TSPAN32: variants seen among roughly 807,000 people sequenced by gnomAD.
The protein encoded by TSPAN32 is tetraspanin 32.
In TSPAN32, 47 loss-of-function variants were observed where a neutral mutation model predicts 42.7. That is an observed-to-expected ratio of 1.10 (90% CI 0.87 to 1.40). The LOEUF (loss-of-function observed/expected upper bound fraction) is 1.40, where lower values mean the gene tolerates loss of function less well. TSPAN32 is among the 40% of genes most tolerant of loss of function. The pLI is 0.00. For missense variants in TSPAN32, 469 were observed against 424.1 expected (o/e 1.11, Z -0.93); for synonymous variants, 175 against 175.9 (o/e 0.99, Z 0.04).
In TSPAN32 at chr11:2,317,937, G is replaced by A; in HGVS notation, c.*13G>A. The A allele has an allele frequency of 2.1e-6, 2 of 945,138 alleles. No individual in the cohort carries two copies. The highest frequency in any genetic ancestry group is 2.4e-5 in the East Asian group (1 of 41,912). The allele number at this position is 945,138 out of a possible 1,614,324, so 58.5% of individuals were successfully genotyped here. On this transcript the variant is annotated 3_prime_UTR_variant, in exon 10 of 10. Transcript: ENST00000182290. This position sits in a 1 kb window ranked among gnomAD's most constrained non-coding sequence, Gnocchi z 6.2. ...TCTCTCAGACTGACGTCAGGCCTTG[G>A]TGGGCTGCACTCTCACCTGGAGGCT...
At position 2,317,146 on chromosome 11, in the gene TSPAN32, C is replaced by G. The variant is rs1406931684; in HGVS notation, c.720-198C>G. Reference sequence around the variant, plus strand: ...CCCTCATCCCTGGGTCCTCTGCATTCTACAATAGCCTCACAGTCCCGTCTA... The same window carrying G: ...CCCTCATCCCTGGGTCCTCTGCATTGTACAATAGCCTCACAGTCCCGTCTA... On this transcript the variant is annotated intron_variant, in intron 8 of 9. Transcript: ENST00000182290. This position sits in a 1 kb window ranked among gnomAD's most constrained non-coding sequence, Gnocchi z 6.2. Among the ~76,000 whole-genome samples, 1 of 152,158 alleles carries G rather than the reference C, an allele frequency of 6.6e-6. No homozygotes were observed. Among genetic ancestry groups the G allele is most frequent in the African/African-American group, 2.4e-5 (1 of 41,416 alleles).
At chr11:2,312,676 C>T (rs898504184) in intron 4 of TSPAN32, among the ~76,000 whole-genome samples, 38 of 152,208 alleles carry the variant, frequency 2.5e-4, no homozygotes, top group African/African-American at 3.4e-4. Flanking sequence ...CAATGAGGAC[C>T]GCCGTAAGCC....
Position 2,313,562 on chromosome 11 carries a change from G to T in TSPAN32, c.355-92G>T. The T allele has an allele frequency of 1.0e-6, 1 of 990,476 alleles. No individual in the cohort carries two copies. Among genetic ancestry groups the T allele is most frequent in the Non-Finnish European group, 1.5e-6 (1 of 658,796 alleles). 61.4% of individuals were successfully genotyped at this position (990,476 alleles called of 1,614,324 possible). A position where few individuals can be genotyped will look rare whatever the true frequency, so the allele number is the denominator to read the frequency against. The stretch of plus-strand genomic sequence containing the variant: ...GTGCTGGGACGTCACTCAGCACTAA[G>T]GGCCCACTAGCGTTTGGGATGTCGT... On this transcript the variant is annotated intron_variant, in intron 4 of 9. Transcript: ENST00000182290. The surrounding 1 kb of genome is among the most constrained non-coding windows in gnomAD (Gnocchi z 9.1).
intron 6 of TSPAN32, 103 bp downstream of exon 6, chr11:2,314,674 G>C: frequency 1.1e-6 from 1 of 915,050 alleles, no homozygotes; most frequent in South Asian, 1.5e-5. Context: ...CCACCCCTTG[G>C]CCTCCCCAGA....
At chr11:2,307,468 G>A (rs1034562470) in intron 3 of TSPAN32, among the ~76,000 whole-genome samples, 28 of 152,096 alleles carry the variant, frequency 1.8e-4, no homozygotes, top group African/African-American at 5.3e-4. Context: ...CTGCCCGGTC[G>A]GTGGCTAGAC....
intron 1 of TSPAN32, 113 bp downstream of exon 1, chr11:2,302,328 T>C: frequency 8.5e-7 from 1 of 1,170,034 alleles, no homozygotes; most frequent in Non-Finnish European, 1.1e-6. Context: ...CCAGCCCTAC[T>C]GTCCCTGTCC....
At chr11:2,314,659 C>A in intron 6 of TSPAN32, 88 bp downstream of exon 6, 1 of 1,066,676 alleles carries the variant, frequency 9.4e-7, no homozygotes, top group Non-Finnish European at 1.4e-6. Flanking sequence ...GGCCATCCTC[C>A]CACCCCACCC....
intron 5 of TSPAN32, among the ~76,000 whole-genome samples, chr11:2,314,228 C>T (rs1006870468): frequency 2.6e-5 from 4 of 151,860 alleles, no homozygotes; most frequent in Admixed American, 6.6e-5. Context: ...GTGAACAGGG[C>T]GGGGAAGCTG....
chr11:2,315,453 T>G, intron 6 of TSPAN32: 1 of 1,131,104 alleles, frequency 8.8e-7, no homozygotes, highest in Non-Finnish European at 1.1e-6. Context: ...GGCCCCCGAC[T>G]GAAAAGCAGG....
intron 1 of TSPAN32, 142 bp downstream of exon 1, chr11:2,302,357 T>C (rs941345750): frequency 3.1e-6 from 3 of 980,610 alleles, no homozygotes; most frequent in South Asian, 6.0e-5. Context: ...CAGACATGTG[T>C]CCTGCCCTTG....
chr11:2,308,858 C>T (rs1178403138), intron 4 of TSPAN32, 48 bp downstream of exon 4: 2 of 1,240,818 alleles, frequency 1.6e-6, no homozygotes, highest in South Asian at 1.3e-5. Flanking sequence ...CCCCAGTAAG[C>T]CAGTGGGCAC....
intron 4 of TSPAN32, among the ~76,000 whole-genome samples, chr11:2,312,014 G>T (rs1274197622): frequency 6.6e-6 from 1 of 152,130 alleles, no homozygotes; most frequent in Non-Finnish European, 1.5e-5. Flanking sequence ...GCAGAGCCAG[G>T]CAGGGCAGGA....
chr11:2,306,610 A>C (rs1215252867), intron 3 of TSPAN32, among the ~76,000 whole-genome samples: 3 of 151,028 alleles, frequency 2.0e-5, no homozygotes, highest in Non-Finnish European at 4.4e-5. Context: ...CTCCTGAGGA[A>C]TGAAATGGTT....
chr11:2,315,724 G>C (rs1010325684), intron 6 of TSPAN32: 22 of 1,213,412 alleles, frequency 1.8e-5, no homozygotes, highest in Non-Finnish European at 1.5e-5. Context: ...TTTCTGAAAA[G>C]ATGCCTCTGG....
intron 4 of TSPAN32, chr11:2,309,250 G>A (rs1013152607): frequency 6.8e-6 from 3 of 443,624 alleles, no homozygotes; most frequent in Non-Finnish European, 9.7e-6. Context: ...GGGGCAGACG[G>A]TACCAGTGGG....
intron 2 of TSPAN32, 183 bp downstream of exon 2, chr11:2,303,141 G>T: frequency 1.7e-6 from 1 of 591,328 alleles, no homozygotes; most frequent in African/African-American, 1.9e-5. Context: ...CCTCGGGTCT[G>T]GGTGACAGCC....
chr11:2,309,896 G>A (rs538981067), intron 4 of TSPAN32: 46 of 154,454 alleles, frequency 3.0e-4, no homozygotes, highest in African/African-American at 9.4e-4. Flanking sequence ...CCAGGCTTAC[G>A]ACAAAGGCTC....
At chr11:2,309,249 G>A (rs2521274) in intron 4 of TSPAN32, 382,903 of 437,646 alleles carry the variant, frequency 0.87, 170,398 homozygotes, top group Non-Finnish European at 0.94. Flanking sequence ...TGGGGCAGAC[G>A]GTACCAGTGG....
At chr11:2,312,242 G>A (rs1400973891) in intron 4 of TSPAN32, among the ~76,000 whole-genome samples, 4 of 152,234 alleles carry the variant, frequency 2.6e-5, no homozygotes, top group Non-Finnish European at 5.9e-5. Context: ...AAGCAGGAGG[G>A]GAGGTCCGAG....
Sources: allele counts gnomAD v4.1 joint callset (sites outside exome capture counted in the v4.1 genomes callset), GRCh38; gene constraint gnomAD v4.1.1; non-coding constraint Gnocchi (gnomAD v3.1); transcripts MANE v1.5; gene names NCBI Gene and HGNC (gene_info 2026-07-23, HGNC 2026-07-21).